Variants in ARHGAP18 observed in about 807,000 individuals in gnomAD.
The protein encoded by ARHGAP18 is Rho GTPase activating protein 18.
A neutral mutation model predicts 86.2 loss-of-function variants in ARHGAP18; 67 were observed. The ratio of observed to expected loss-of-function variants is 0.78; its 90% CI spans 0.64 to 0.95. The LOEUF is 0.95. Among genes scored for constraint, ARHGAP18 ranks in the 40% least tolerant of loss-of-function variants. The pLI is 0.00. For synonymous variants in ARHGAP18, 283 were observed against 280.4 expected, an observed-to-expected ratio of 1.01 and a Z score of -0.09; for missense variants, 691 against 780.4, an observed-to-expected ratio of 0.89 and a Z score of 1.37.
At chr6:129,661,294 C>G (rs1276955364) in intron 1 of ARHGAP18, among the ~76,000 whole-genome samples, 1 of 137,490 alleles carries the variant, frequency 7.3e-6, no homozygotes, top group Non-Finnish European at 1.5e-5. Context: ...TCAAGTCCAG[C>G]CTGTGCAAGA....
At chr6:129,683,457 A>G (rs1330350265) in intron 1 of ARHGAP18, among the ~76,000 whole-genome samples, 1 of 152,204 alleles carries the variant, frequency 6.6e-6, no homozygotes, top group African/African-American at 2.4e-5. Context: ...TTTTTCCCGT[A>G]GAAATGAAAA....
At chr6:129,599,538 T>G (rs1788693515) in intron 11 of ARHGAP18, among the ~76,000 whole-genome samples, 182 bp from the exon 12 acceptor site, 1 of 152,214 alleles carries the variant, frequency 6.6e-6, no homozygotes, top group Admixed American at 6.5e-5. Context: ...TATTATTCAC[T>G]TACCAGGTGT....
intron 1 of ARHGAP18, among the ~76,000 whole-genome samples, chr6:129,646,598 A>G (rs1161478138): frequency 6.6e-6 from 1 of 152,266 alleles, no homozygotes; most frequent in Non-Finnish European, 1.5e-5. Flanking sequence ...ATCTTCACAT[A>G]GATAACATTA....
chr6:129,628,546 A>G (rs1233838750), intron 5 of ARHGAP18, among the ~76,000 whole-genome samples: 6 of 152,194 alleles, frequency 3.9e-5, no homozygotes, highest in Admixed American at 3.9e-4. Flanking sequence ...ATCTCTCCTT[A>G]GACAAGTTGG....
chr6:129,678,048 T>C (rs1774266311), intron 1 of ARHGAP18, among the ~76,000 whole-genome samples: 1 of 152,244 alleles, frequency 6.6e-6, no homozygotes, highest in African/African-American at 2.4e-5. Context: ...GCCTTACATT[T>C]CTACCAAAGT....
rs199525893 is a variant in ARHGAP18 at position 129,629,451 on chromosome 6, T to G, written c.688A>C (p.Ile230Leu). 2 of 1,613,986 alleles carry G rather than the reference T, an allele frequency of 1.2e-6. No homozygotes were observed. Among genetic ancestry groups the G allele is most frequent in the East Asian group, 2.2e-5 (1 of 44,886 alleles). Residue 230 changes from isoleucine (I) to leucine (L), a missense_variant, in exon 5 of 15, where the codon ATC becomes CTC. Physicochemically the swap from Ile to Leu is conservative, Grantham distance 5. Coordinates refer to ENST00000368149, the MANE Select transcript of ARHGAP18 (RefSeq NM_033515.3). ...PEETPAPETD[I>L]NLEVSFAEQA... ...TCGGCAAATGATACCTCCAGGTTGA[T>G]GTCTGTTTCAGGGGCAGGCGTCTCC...
At chr6:129,578,670 G>A (rs1442422117) in intron 14 of ARHGAP18, 66 bp from the exon 15 acceptor site, 22 of 1,326,484 alleles carry the variant, frequency 1.7e-5, no homozygotes, top group Middle Eastern at 1.9e-4. Context: ...TTAAACTTAA[G>A]CTTAATTATT....
intron 1 of ARHGAP18, among the ~76,000 whole-genome samples, chr6:129,651,473 G>A (rs995156047): frequency 2.6e-5 from 4 of 152,014 alleles, no homozygotes; most frequent in African/African-American, 9.7e-5. Flanking sequence ...CTCTGGTTGG[G>A]TGCCTTATCA....
At chr6:129,591,237 G>C (rs1326267076) in intron 12 of ARHGAP18, among the ~76,000 whole-genome samples, 1 of 152,144 alleles carries the variant, frequency 6.6e-6, no homozygotes, top group Non-Finnish European at 1.5e-5. Flanking sequence ...TTCTTAACTT[G>C]AGCCATAATA....
chr6:129,642,144 A>G (rs1773481145), intron 1 of ARHGAP18, 126 bp from the exon 2 acceptor site: 2 of 808,120 alleles, frequency 2.5e-6, no homozygotes, highest in East Asian at 5.2e-5. Context: ...AAACTAAAGG[A>G]ATATATATTT....
At chr6:129,613,499 A>G (rs554011194) in intron 7 of ARHGAP18, among the ~76,000 whole-genome samples, 1 of 152,318 alleles carries the variant, frequency 6.6e-6, no homozygotes, top group African/African-American at 2.4e-5. Flanking sequence ...TAGCTGCTGG[A>G]GCAAATTAGT....
chr6:129,677,057 GACT>G lies in ARHGAP18; in HGVS notation c.113+32964_113+32966del, dbSNP rs1234810782. Among the ~76,000 whole-genome samples, 7 of 151,236 alleles carry G rather than the reference GACT, an allele frequency of 4.6e-5. 1 individual carries two copies. Among genetic ancestry groups the G allele is most frequent in the Admixed American group, 2.0e-4 (3 of 15,090 alleles). ...CAGATCTAAAACGTAAATTCAGGGA[GACT>G]GTCAGAGTCCTGTGCCAAAGGTCAA... On this transcript the variant is annotated intron_variant, in intron 1 of 14. Coordinates refer to ENST00000368149, the MANE Select transcript of ARHGAP18 (RefSeq NM_033515.3).
At chr6:129,683,262 C>A (rs896652635) in intron 1 of ARHGAP18, among the ~76,000 whole-genome samples, 6 of 151,116 alleles carry the variant, frequency 4.0e-5, no homozygotes, top group African/African-American at 9.7e-5. Flanking sequence ...TAGTAGAGAC[C>A]GGGTTTCACC....
At chr6:129,693,790 T>C (rs1451570228) in intron 1 of ARHGAP18, among the ~76,000 whole-genome samples, 2 of 152,192 alleles carry the variant, frequency 1.3e-5, no homozygotes, top group Non-Finnish European at 2.9e-5. Flanking sequence ...AAGATGAGGA[T>C]AATAATTCTC....
chr6:129,616,897 G>A (rs1789110578), intron 6 of ARHGAP18, among the ~76,000 whole-genome samples: 1 of 152,112 alleles, frequency 6.6e-6, no homozygotes, highest in African/African-American at 2.4e-5. Flanking sequence ...TTGAGGCTAC[G>A]GTGAGCCGTC....
chr6:129,640,693 G>C (rs6930897), intron 2 of ARHGAP18, among the ~76,000 whole-genome samples: 43,250 of 152,038 alleles, frequency 0.28, 6,324 homozygotes, highest in Non-Finnish European at 0.3. Context: ...GATTTTGCTA[G>C]TTAATTAGAT....
rs34725884 is a variant in ARHGAP18, at chr6:129,611,563, T to C, written c.1092A>G (p.Leu364=). 1.6e-4 allele frequency: 256 copies of C among 1,613,830 alleles called. 1 individual carries two copies. The African/African-American group carries it at 3.0e-3, about 19-fold the overall frequency. ...TTCTAATGGCAGCTCCAGGGATCCG[T>C]AAGAGGCCTTCTGTTTCCAAACCTC... The part of the protein sequence containing the change: ...EERGLETEGL[L]RIPGAAIRIK... The change falls in exon 8 of 15, where the codon TTA becomes TTG. Residue 364 remains leucine, a synonymous_variant. Transcript: ENST00000368149.
At chr6:129,619,074 G>A (rs911406556) in intron 5 of ARHGAP18, among the ~76,000 whole-genome samples, 5 of 150,488 alleles carry the variant, frequency 3.3e-5, no homozygotes, top group African/African-American at 1.2e-4. Flanking sequence ...CAGACAACGG[G>A]AACAGACCGC....
chr6:129,579,483 A>C (rs557193624), intron 14 of ARHGAP18, among the ~76,000 whole-genome samples: 11 of 152,134 alleles, frequency 7.2e-5, no homozygotes, highest in Non-Finnish European at 1.3e-4. Flanking sequence ...CATTTCCAAG[A>C]GTCAAAAAAG....
Sources: gnomAD v4.1 joint callset for allele counts (sites outside exome capture counted in the v4.1 genomes callset) on GRCh38, gnomAD v4.1.1 for gene constraint, MANE v1.5 for transcripts, NCBI Gene and HGNC (gene_info 2026-07-23, HGNC 2026-07-21) for gene names.